The following RNF157 variants were observed in gnomAD, a reference collection of about 807,000 sequenced individuals.
RNF157 encodes the protein E3 ubiquitin ligase RNF157.
RNF157 carries 55 observed loss-of-function variants against 88.3 expected under a neutral mutation model. The ratio of observed to expected loss-of-function variants is 0.62; its 90% CI spans 0.50 to 0.78. The LOEUF (loss-of-function observed/expected upper bound fraction) is 0.78. Among genes scored for constraint, RNF157 ranks in the 30% least tolerant of loss-of-function variants. RNF157 has a pLI of 0.00. For synonymous variants in RNF157, 334 were observed against 341.2 expected (o/e 0.98, Z 0.23); for missense variants, 788 against 860.8 (o/e 0.92, Z 1.06).
intron 3 of RNF157, among the ~76,000 whole-genome samples, chr17:76,172,758 C>A (rs1384274542): frequency 6.6e-6 from 1 of 151,668 alleles, no homozygotes; most frequent in Non-Finnish European, 1.5e-5. Flanking sequence ...TCAGAAAAAT[C>A]TGGGACCTTG....
At position 76,161,375 on chromosome 17, in the gene RNF157, A is replaced by G. The variant is rs184270487; in HGVS notation, c.1065+160T>C. Among the ~76,000 whole-genome samples, 1 of 152,248 alleles carries G rather than the reference A, an allele frequency of 6.6e-6. No individual in the cohort carries two copies. The highest frequency in any genetic ancestry group is 6.5e-5 in the Admixed American group (1 of 15,296). On this transcript the variant is annotated intron_variant, in intron 11 of 18. Transcript: ENST00000269391. This position sits in a 1 kb window ranked among gnomAD's most constrained non-coding sequence, Gnocchi z 4.6. ...TTTCAGTATTCAATTTTCCACAGTAATAAGTTGGTTTTAACGCATGCTCTC... is the reference window on the plus strand; with the variant it reads ...TTTCAGTATTCAATTTTCCACAGTAGTAAGTTGGTTTTAACGCATGCTCTC...
At chr17:76,228,778 G>A (rs188594833) in intron 1 of RNF157, among the ~76,000 whole-genome samples, 8 of 152,094 alleles carry the variant, frequency 5.3e-5, no homozygotes, top group Middle Eastern at 3.4e-3. Context: ...AAACTTAGCC[G>A]GGCGTGGTGG....
At chr17:76,239,873 A>T (rs1283322925) in intron 1 of RNF157, among the ~76,000 whole-genome samples, 3 of 152,054 alleles carry the variant, frequency 2.0e-5, no homozygotes. Flanking sequence ...CGTCCCCGTC[A>T]CGGGGCCGAT....
intron 1 of RNF157, among the ~76,000 whole-genome samples, chr17:76,219,339 C>T (rs2145044373): frequency 6.6e-6 from 1 of 151,258 alleles, no homozygotes; most frequent in Admixed American, 6.6e-5. Flanking sequence ...ATAAATATAA[C>T]ATAAAATGGC....
At chr17:76,200,072 T>C (rs932070779) in intron 2 of RNF157, among the ~76,000 whole-genome samples, 4 of 151,478 alleles carry the variant, frequency 2.6e-5, no homozygotes, top group African/African-American at 7.3e-5. Context: ...CCCGTCTCTA[T>C]TAAAAATACA....
In RNF157 at chr17:76,157,188, G is replaced by C. The variant is rs1406643830; in HGVS notation, c.1414-867C>G. ...TCACCATGTTAGCCAGGATGGTCTC[G>C]ATCTCCTGACCTCGTGATCCGCCCG... On this transcript the variant is annotated intron_variant, in intron 13 of 18. Transcript: ENST00000269391. The surrounding 1 kb of genome is among the most constrained non-coding windows in gnomAD (Gnocchi z 5.6). Among the ~76,000 whole-genome samples the C allele has an allele frequency of 1.3e-5, 2 of 152,150 alleles. No individual in the cohort carries two copies. The highest frequency in any genetic ancestry group is 6.5e-5 in the Admixed American group (1 of 15,284).
rs527657615 is a variant in RNF157 at position 76,149,635 on chromosome 17, G to C, written c.1921+2720C>G. ...GTGTGATGCTAACAGTGGAAGCAGA[G>C]ACACATTCTGCCTAGAGAGACGTGC... On this transcript the variant is annotated intron_variant, in intron 18 of 18. Transcript: ENST00000269391. Among the ~76,000 whole-genome samples the C allele has an allele frequency of 6.6e-5, 10 of 152,322 alleles. No homozygotes were observed. The South Asian group carries it at 1.9e-3, about 28-fold the overall frequency.
intron 18 of RNF157, among the ~76,000 whole-genome samples, chr17:76,148,734 C>T (rs996437912): frequency 3.9e-5 from 6 of 152,040 alleles, no homozygotes; most frequent in Admixed American, 3.3e-4. Context: ...CCAAGCCTGG[C>T]TAATTTTTGT....
chr17:76,220,649 T>TTTA (rs1247753244), intron 1 of RNF157, among the ~76,000 whole-genome samples: 7 of 151,082 alleles, frequency 4.6e-5, no homozygotes, highest in African/African-American at 1.7e-4. Flanking sequence ...TCTCTACAAA[T>TTTA]TTATTATTTT....
intron 8 of RNF157, chr17:76,164,049 G>A (rs1598396254): frequency 2.0e-5 from 3 of 152,340 alleles, no homozygotes; most frequent in Middle Eastern, 3.4e-3. Flanking sequence ...TTTGCATCTC[G>A]AGGAAGCCCA....
chr17:76,159,725 T>C, intron 11 of RNF157, 152 bp from the exon 12 acceptor site: 1 of 620,000 alleles, frequency 1.6e-6, no homozygotes, highest in East Asian at 3.1e-5. Flanking sequence ...AGATAAAATA[T>C]CAAAGAATCA....
intron 2 of RNF157, among the ~76,000 whole-genome samples, chr17:76,193,882 T>C (rs1402609849): frequency 6.6e-6 from 1 of 152,128 alleles, no homozygotes; most frequent in South Asian, 2.1e-4. Context: ...GCAGGAGCAA[T>C]GCTGCCCTGC....
At chr17:76,151,822 A>G (rs1253668208) in intron 18 of RNF157, among the ~76,000 whole-genome samples, 1 of 152,220 alleles carries the variant, frequency 6.6e-6, no homozygotes, top group Non-Finnish European at 1.5e-5. Context: ...ATCCAAATCC[A>G]GTAGTATGTA....
At chr17:76,169,886 A>G (rs1018011283) in intron 3 of RNF157, among the ~76,000 whole-genome samples, 5 of 152,042 alleles carry the variant, frequency 3.3e-5, no homozygotes, top group African/African-American at 1.2e-4. Flanking sequence ...TGGCCTAGTT[A>G]GGTTGTTTTA....
At position 76,173,683 on chromosome 17, in the gene RNF157, C is replaced by A; in HGVS notation, c.296+19G>T. 1 of 1,588,134 alleles carries A rather than the reference C, an allele frequency of 6.3e-7. No homozygotes were observed. The highest frequency in any genetic ancestry group is 2.3e-5 in the East Asian group (1 of 44,204). On this transcript the variant is annotated intron_variant, in intron 3 of 18. Coordinates refer to ENST00000269391, the MANE Select transcript of RNF157 (RefSeq NM_052916.3). Reference sequence around the variant, plus strand: ...AAAGGAAGGTGCCTGGGACCTGGCCCCAGCCTCTGGGAACTTACTTGACGA... The same window carrying A: ...AAAGGAAGGTGCCTGGGACCTGGCCACAGCCTCTGGGAACTTACTTGACGA...
chr17:76,162,684 A>T, intron 8 of RNF157, 61 bp from the exon 9 acceptor site: 1 of 1,219,352 alleles, frequency 8.2e-7, no homozygotes, highest in Non-Finnish European at 1.2e-6. Flanking sequence ...AAGAGTGGGA[A>T]CTCCCTCCAA....
At chr17:76,228,582 A>G (rs530138761) in intron 1 of RNF157, among the ~76,000 whole-genome samples, 1 of 152,084 alleles carries the variant, frequency 6.6e-6, no homozygotes, top group African/African-American at 2.4e-5. Flanking sequence ...GGTCTCCCCA[A>G]CTCAAATAAC....
intron 1 of RNF157, among the ~76,000 whole-genome samples, chr17:76,236,206 G>A (rs1444110225): frequency 1.3e-5 from 2 of 152,122 alleles, no homozygotes; most frequent in African/African-American, 2.4e-5. Context: ...AAAGACTTCA[G>A]CAAAACAAAT....
chr17:76,159,157 T>C (rs1298266408), intron 12 of RNF157, among the ~76,000 whole-genome samples, 178 bp downstream of exon 12: 1 of 152,220 alleles, frequency 6.6e-6, no homozygotes, highest in African/African-American at 2.4e-5. Context: ...CTTAAGTACC[T>C]ACATACCATC....
Sources: allele counts gnomAD v4.1 joint callset (sites outside exome capture counted in the v4.1 genomes callset), GRCh38; gene constraint gnomAD v4.1.1; non-coding constraint Gnocchi (gnomAD v3.1); transcripts MANE v1.5; gene names NCBI Gene and HGNC (gene_info 2026-07-23, HGNC 2026-07-21).